Variants in ZNF623 observed in about 807,000 individuals in gnomAD.
ZNF623 encodes zinc finger protein 623.
ZNF623 carries 16 observed loss-of-function variants against 24.0 expected under a neutral mutation model. The ratio of observed to expected loss-of-function variants is 0.67; its 90% CI spans 0.45 to 1.01. The LOEUF (loss-of-function observed/expected upper bound fraction) is 1.01. Ranked by LOEUF, ZNF623 falls within the 50% of genes least tolerant of loss-of-function variation. The probability of loss-of-function intolerance (pLI) is 0.00; values close to 1 mark genes in which losing one functional copy is unlikely to be tolerated. For missense variants in ZNF623, 566 were observed against 606.5 expected, an observed-to-expected ratio of 0.93 and a Z score of 0.70; for synonymous variants, 224 against 219.8, an observed-to-expected ratio of 1.02 and a Z score of -0.17.
intron 1 of ZNF623, among the ~76,000 whole-genome samples, chr8:143,637,142 C>CT (rs1396887496): frequency 6.6e-6 from 1 of 152,228 alleles, no homozygotes; most frequent in African/African-American, 2.4e-5. Context: ...TGACCTTACG[C>CT]TTCTTACCTC....
chr8:143,646,821 C>G (rs568256110), intron 1 of ZNF623, among the ~76,000 whole-genome samples: 34 of 152,104 alleles, frequency 2.2e-4, no homozygotes, highest in African/African-American at 8.2e-4. Flanking sequence ...TGCTACCTTG[C>G]CTGGCTGTTT....
At chr8:143,643,653 T>C (rs1418003054) in intron 1 of ZNF623, among the ~76,000 whole-genome samples, 1 of 152,254 alleles carries the variant, frequency 6.6e-6, no homozygotes, top group Non-Finnish European at 1.5e-5. Context: ...CCAGTGACAG[T>C]GTCTCCTGAA....
At chr8:143,638,430 A>G (rs1814973518) in intron 1 of ZNF623, among the ~76,000 whole-genome samples, 1 of 151,982 alleles carries the variant, frequency 6.6e-6, no homozygotes, top group Non-Finnish European at 1.5e-5. Context: ...GTTCTTGTAA[A>G]CAGAAACACC....
At chr8:143,646,546 C>T (rs62522227) in intron 1 of ZNF623, among the ~76,000 whole-genome samples, 21,976 of 149,304 alleles carry the variant, frequency 0.15, 1,817 homozygotes, top group African/African-American at 0.22. Flanking sequence ...GGGGTGTGTG[C>T]GTGTGTGTGT....
intron 1 of ZNF623, among the ~76,000 whole-genome samples, chr8:143,641,885 TTC>T (rs1402088977): frequency 2.0e-5 from 3 of 152,234 alleles, no homozygotes. Context: ...GTTATTCCAT[TTC>T]CAACACAGGC....
intron 1 of ZNF623, among the ~76,000 whole-genome samples, chr8:143,643,869 T>C (rs915996765): frequency 6.6e-6 from 1 of 152,198 alleles, no homozygotes; most frequent in Admixed American, 6.5e-5. Context: ...GCTAGATATT[T>C]AGGGTGTTAG....
At chr8:143,636,227 G>A (rs1814915800) in intron 1 of ZNF623, 82 bp downstream of exon 1, 1 of 152,098 alleles carries the variant, frequency 6.6e-6, no homozygotes. Flanking sequence ...GCCTTGCCAG[G>A]GCACAGTCCG....
chr8:143,642,361 T>C (rs7832406), intron 1 of ZNF623, among the ~76,000 whole-genome samples: 137,009 of 152,224 alleles, frequency 0.9, 63,282 homozygotes, highest in East Asian at 1. Flanking sequence ...TCACACCAGC[T>C]GTCGGGCAAA....
Position 143,650,021 on chromosome 8 carries a change from A to T in ZNF623, c.29A>T (p.Glu10Val), listed in dbSNP as rs753826218. The T allele has an allele frequency of 2.1e-5, 34 of 1,614,088 alleles. No homozygotes were observed. Among genetic ancestry groups the T allele is most frequent in the Middle Eastern group, 1.6e-4 (1 of 6,084 alleles). Reference sequence around the variant, plus strand: ...GAGCTCCCCTCTCCCGAGTCTGAGGAAGTCCACGAGCCCAGATTAGGGGAG... The same window carrying T: ...GAGCTCCCCTCTCCCGAGTCTGAGGTAGTCCACGAGCCCAGATTAGGGGAG... MELPSPESE[E>V]VHEPRLGELL... Residue 10 changes from glutamate (E) to valine (V), a missense_variant, in exon 2 of 2, where the codon GAA becomes GTA. Glu to Val is a moderately radical substitution (Grantham distance 121). Transcript: ENST00000526926. The surrounding 1 kb of genome is among the most constrained non-coding windows in gnomAD (Gnocchi z 5.2).
Position 143,642,312 on chromosome 8 carries a change from C to T in ZNF623, c.-96+6167C>T, listed in dbSNP as rs142713112. ...GTCTCGGCCTTCATAGAATTGAGGACGGTTAGGACCTTGCTGTGGATTCAG... is the reference window on the plus strand; with the variant it reads ...GTCTCGGCCTTCATAGAATTGAGGATGGTTAGGACCTTGCTGTGGATTCAG... On this transcript the variant is annotated intron_variant, in intron 1 of 1. Coordinates refer to ENST00000526926, the MANE Select transcript of ZNF623 (RefSeq NM_001261843.2). Among the ~76,000 whole-genome samples the T allele has an allele frequency of 2.0e-5, 3 of 152,308 alleles. No homozygotes were observed. The East Asian group carries it at 5.8e-4, about 29-fold the overall frequency.
intron 1 of ZNF623, among the ~76,000 whole-genome samples, chr8:143,637,770 G>C (rs1196232870): frequency 6.6e-6 from 1 of 152,036 alleles, no homozygotes; most frequent in Non-Finnish European, 1.5e-5. Context: ...GGCTGGTCTT[G>C]AACTCCTGAC....
intron 1 of ZNF623, among the ~76,000 whole-genome samples, chr8:143,644,843 A>C (rs1265888815): frequency 6.6e-6 from 1 of 151,604 alleles, no homozygotes; most frequent in Non-Finnish European, 1.5e-5. Flanking sequence ...AAAAAAAAAA[A>C]AAAGCCCGGG....
chr8:143,647,193 C>G (rs938971150), intron 1 of ZNF623, among the ~76,000 whole-genome samples: 2 of 152,038 alleles, frequency 1.3e-5, no homozygotes, highest in Admixed American at 1.3e-4. Context: ...CGGCGTCTTG[C>G]TCTGTCACTC....
In ZNF623 at chr8:143,650,184, T is replaced by C. The variant is rs1317524096; in HGVS notation, c.192T>C (p.His64=). The part of the protein sequence containing the change: ...AQVCTKSGRN[H]ILNSDLLLLQ... Reference sequence around the variant, plus strand: ...TGTGCACCAAGTCAGGAAGAAACCATATTCTGAACTCAGACCTTCTTCTGC... The same window carrying C: ...TGTGCACCAAGTCAGGAAGAAACCACATTCTGAACTCAGACCTTCTTCTGC... The change falls in exon 2 of 2, where the codon CAT becomes CAC. Residue 64 remains histidine (H), a synonymous_variant. Coordinates refer to ENST00000526926, the MANE Select transcript of ZNF623 (RefSeq NM_001261843.2). The surrounding 1 kb of genome is among the most constrained non-coding windows in gnomAD (Gnocchi z 5.2). 1 of 1,614,044 alleles carries C rather than the reference T, an allele frequency of 6.2e-7. No individual in the cohort carries two copies. The highest frequency in any genetic ancestry group is 8.5e-7 in the Non-Finnish European group (1 of 1,180,042).
At position 143,651,151 on chromosome 8, in the gene ZNF623, G is replaced by A. The variant is rs1815302352; in HGVS notation, c.1159G>A (p.Gly387Arg). Residue 387 changes from glycine (G) to arginine (R), a missense_variant, in exon 2 of 2, where the codon GGG (glycine) becomes AGG (arginine). Gly to Arg is a moderately radical substitution (Grantham distance 125). This residue lies in a region of ZNF623 where 136 missense variants were observed against 131.9 expected (regional missense o/e 1.03). Coordinates refer to ENST00000526926, the MANE Select transcript of ZNF623 (RefSeq NM_001261843.2). ...CACTGAGCACCAGAAGATCCACTCT[G>A]GGGACAGGCCCTTCGAATGTAAAGA... The part of the protein sequence containing the change: ...HLTEHQKIHS[G>R]DRPFECKDCG... The A allele has an allele frequency of 1.2e-6, 2 of 1,613,994 alleles. No individual in the cohort carries two copies. Among genetic ancestry groups the A allele is most frequent in the African/African-American group, 2.7e-5 (2 of 74,906 alleles).
rs1175483204 is a variant in ZNF623, at chr8:143,653,541, C to T, written c.*2058C>T. ...TAACCACCACCGCCAGAACCAAAAA[C>T]GTTTCTGTCACCCAAAGAAGTTCCC... On this transcript the variant is annotated 3_prime_UTR_variant, in exon 2 of 2. Coordinates refer to ENST00000526926, the MANE Select transcript of ZNF623 (RefSeq NM_001261843.2). The T allele has an allele frequency of 1.8e-5, 3 of 167,122 alleles. No homozygotes were observed. Among genetic ancestry groups the T allele is most frequent in the East Asian group, 1.9e-4 (1 of 5,206 alleles). The allele number at this position is 167,122 out of a possible 1,614,324, so 10.4% of individuals were successfully genotyped here. A position where few individuals can be genotyped will look rare whatever the true frequency, so the allele number is the denominator to read the frequency against.
Position 143,651,529 on chromosome 8 carries a change from A to G in ZNF623, c.*46A>G. ...GTGAGTGATGTTTGGAAATGCGTGG[A>G]ATTAGGATTCATGTGGTTTCTAAGA... On this transcript the variant is annotated 3_prime_UTR_variant, in exon 2 of 2. Transcript: ENST00000526926. 6.6e-7 allele frequency: 1 copy of G among 1,522,132 alleles called. No individual in the cohort carries two copies. Among genetic ancestry groups the G allele is most frequent in the Non-Finnish European group, 8.8e-7 (1 of 1,136,840 alleles). 94.3% of individuals were successfully genotyped at this position (1,522,132 alleles called of 1,614,324 possible).
chr8:143,640,941 TAAAAAAA>T (rs57279986), intron 1 of ZNF623, among the ~76,000 whole-genome samples: 62 of 65,556 alleles, frequency 9.5e-4, no homozygotes, highest in African/African-American at 3.2e-3. Flanking sequence ...ACTCTGTCTT[TAAAAAAA>T]AAAAAAAAAA....
chr8:143,636,669 G>C (rs1814932938), intron 1 of ZNF623, among the ~76,000 whole-genome samples: 2 of 152,236 alleles, frequency 1.3e-5, no homozygotes, highest in African/African-American at 4.8e-5. Context: ...CTGTGCTGTT[G>C]GGGATAGGGG....
Sources: allele counts gnomAD v4.1 joint callset (sites outside exome capture counted in the v4.1 genomes callset), GRCh38; gene constraint gnomAD v4.1.1; regional missense constraint gnomAD v4.1.1; non-coding constraint Gnocchi (gnomAD v3.1); transcripts MANE v1.5; gene names NCBI Gene and HGNC (gene_info 2026-07-23, HGNC 2026-07-21).